Variants in PLD5 observed in about 807,000 individuals in gnomAD.
PLD5 encodes inactive phospholipase D5.
A neutral mutation model predicts 61.1 loss-of-function variants in PLD5; 36 were observed. The observed-to-expected ratio is 0.59, with a 90% CI of 0.45 to 0.78. The LOEUF (loss-of-function observed/expected upper bound fraction) is 0.78. Ranked by LOEUF, PLD5 falls within the 30% of genes least tolerant of loss-of-function variation. The probability of loss-of-function intolerance (pLI) is 0.00; values close to 1 mark genes in which losing one functional copy is unlikely to be tolerated. For synonymous variants in PLD5, 243 were observed against 242.8 expected (o/e 1.00, Z -0.01); for missense variants, 515 against 644.4 (o/e 0.80, Z 2.17).
chr1:242,434,551 G>A (rs929350946), intron 1 of PLD5, among the ~76,000 whole-genome samples: 2 of 152,202 alleles, frequency 1.3e-5, no homozygotes, highest in Non-Finnish European at 2.9e-5. Context: ...ATGGTGTTCT[G>A]AGACATGAAT....
chr1:242,340,616 G>C (rs1010063431), intron 2 of PLD5, among the ~76,000 whole-genome samples: 2 of 151,986 alleles, frequency 1.3e-5, no homozygotes, highest in South Asian at 2.1e-4. Context: ...TGTATCAAAG[G>C]TACTCACATT....
At chr1:242,249,233 T>A (rs1672569335) in intron 4 of PLD5, among the ~76,000 whole-genome samples, 1 of 152,218 alleles carries the variant, frequency 6.6e-6, no homozygotes. Context: ...TTGTATTAAA[T>A]GGCCTTATAA....
chr1:242,439,101 C>A (rs573431855), intron 1 of PLD5, among the ~76,000 whole-genome samples: 3 of 152,156 alleles, frequency 2.0e-5, no homozygotes, highest in African/African-American at 7.2e-5. Context: ...CCTGGCATAG[C>A]GCTTAAGAGC....
At chr1:242,176,828 T>A (rs1478499693) in intron 5 of PLD5, among the ~76,000 whole-genome samples, 1 of 152,198 alleles carries the variant, frequency 6.6e-6, no homozygotes, top group African/African-American at 2.4e-5. Flanking sequence ...TGAAAAAAGT[T>A]TATCATCACT....
chr1:242,441,244 C>T (rs1016133647), intron 1 of PLD5, among the ~76,000 whole-genome samples: 1 of 152,034 alleles, frequency 6.6e-6, no homozygotes, highest in African/African-American at 2.4e-5. Context: ...AAGCAAAATG[C>T]AGGATACTAT....
intron 4 of PLD5, among the ~76,000 whole-genome samples, chr1:242,245,463 G>A (rs1455000385): frequency 2.6e-5 from 4 of 152,234 alleles, no homozygotes; most frequent in Non-Finnish European, 4.4e-5. Flanking sequence ...GCGCTTGCCT[G>A]TTCAGCACAG....
chr1:242,410,909 T>C (rs971349421), intron 1 of PLD5, among the ~76,000 whole-genome samples: 1 of 152,018 alleles, frequency 6.6e-6, no homozygotes, highest in Non-Finnish European at 1.5e-5. Flanking sequence ...AATTAGAGTG[T>C]TGGACAGAAT....
intron 1 of PLD5, among the ~76,000 whole-genome samples, chr1:242,399,224 C>T (rs980442324): frequency 5.3e-5 from 8 of 152,220 alleles, no homozygotes; most frequent in African/African-American, 1.9e-4. Flanking sequence ...GCTCAATACA[C>T]ATTGGTTGAT....
intron 5 of PLD5, among the ~76,000 whole-genome samples, chr1:242,187,555 G>C (rs901210760): frequency 2.0e-5 from 3 of 152,096 alleles, no homozygotes; most frequent in Admixed American, 2.0e-4. Context: ...TAGAATTTTG[G>C]AACTTGCATT....
intron 4 of PLD5, among the ~76,000 whole-genome samples, chr1:242,258,078 T>C (rs1239132371): frequency 6.6e-6 from 1 of 152,260 alleles, no homozygotes; most frequent in Admixed American, 6.5e-5. Context: ...CTCCAGTGTA[T>C]TTCAGGTTTC....
upstream of PLD5, among the ~76,000 whole-genome samples, chr1:242,525,485 C>A (rs988186170): frequency 6.6e-6 from 1 of 152,206 alleles, no homozygotes; most frequent in Non-Finnish European, 1.5e-5. Context: ...CCCAGCCAAG[C>A]GTGATGATTA....
intron 4 of PLD5, among the ~76,000 whole-genome samples, chr1:242,239,797 GC>G (rs1671877759): frequency 6.6e-6 from 1 of 152,262 alleles, no homozygotes; most frequent in African/African-American, 2.4e-5. Flanking sequence ...TTTTTTTAAA[GC>G]TGCTGAGAAA....
At chr1:242,275,652 C>T (rs1373089918) in intron 3 of PLD5, among the ~76,000 whole-genome samples, 1 of 152,082 alleles carries the variant, frequency 6.6e-6, no homozygotes, top group Non-Finnish European at 1.5e-5. Context: ...ATTCCAAATT[C>T]CAGGATGGAG....
chr1:242,188,776 C>T (rs1345331078), intron 5 of PLD5: 2 of 152,204 alleles, frequency 1.3e-5, no homozygotes, highest in African/African-American at 2.4e-5. Flanking sequence ...AGGTTGTCCT[C>T]TTCAATTGAG....
Position 242,491,192 on chromosome 1 carries a change from A to C in PLD5, c.189+32896T>G, listed in dbSNP as rs73144095. ...TTCTGAGTTCAGTATACTTACCTACAGCAACTTCTTTCTCTGTCTTAGACC... is the reference window on the plus strand; with the variant it reads ...TTCTGAGTTCAGTATACTTACCTACCGCAACTTCTTTCTCTGTCTTAGACC... On this transcript the variant is annotated intron_variant, in intron 1 of 9. Coordinates refer to ENST00000536534, the MANE Select transcript of PLD5 (RefSeq NM_001372062.1). 8.1e-3 allele frequency among the ~76,000 whole-genome samples: 1,238 copies of C among 152,366 alleles called. 19 individuals are homozygous for C. The highest frequency in any genetic ancestry group is 0.028 in the African/African-American group (1,183 of 41,586).
intron 1 of PLD5, among the ~76,000 whole-genome samples, chr1:242,485,488 C>G (rs572434481): frequency 1.6e-4 from 24 of 152,244 alleles, no homozygotes; most frequent in Middle Eastern, 3.4e-3. Flanking sequence ...AATAACATAC[C>G]TAGGAATCCA....
rs1246348135 is a variant in PLD5, at chr1:242,394,092, G to C, written c.190-45850C>G. Among the ~76,000 whole-genome samples the C allele has an allele frequency of 5.0e-5, 4 of 80,276 alleles. 1 individual carries two copies. The highest frequency in any genetic ancestry group is 1.1e-4 in the Non-Finnish European group (4 of 35,366). The allele number at this position is 80,276 out of a possible 152,430, so 52.7% of individuals were successfully genotyped here. ...CATATATATATATGAGTATATATAT[G>C]TATATATGTGTATATATATGAGTAT... On this transcript the variant is annotated intron_variant, in intron 1 of 9. Transcript: ENST00000536534.
In PLD5 at chr1:242,086,634, A is replaced by C. The variant is rs987485169; in HGVS notation, c.*3220T>G. On this transcript the variant is annotated 3_prime_UTR_variant, in exon 10 of 10. Transcript: ENST00000536534. ...GCTTGGGAAGAGAACAGGCAGCATA[A>C]AAACTGTCACTGCTCAAATGGAAGT... The C allele has an allele frequency of 2.0e-5, 3 of 152,332 alleles. No individual in the cohort carries two copies. The highest frequency in any genetic ancestry group is 2.0e-4 in the Admixed American group (3 of 15,290). 9.4% of individuals were successfully genotyped at this position (152,332 alleles called of 1,614,324 possible). A position where few individuals can be genotyped will look rare whatever the true frequency, so the allele number is the denominator to read the frequency against.
intron 2 of PLD5, among the ~76,000 whole-genome samples, chr1:242,294,617 T>C (rs1675546399): frequency 1.3e-5 from 2 of 152,156 alleles, no homozygotes. Context: ...CTGCCAGTTA[T>C]GAGCTGTGTG....
Sources: gnomAD v4.1 joint callset for allele counts (sites outside exome capture counted in the v4.1 genomes callset) on GRCh38, gnomAD v4.1.1 for gene constraint, MANE v1.5 for transcripts, NCBI Gene and HGNC (gene_info 2026-07-23, HGNC 2026-07-21) for gene names.